The following ARID1B variants were observed in gnomAD, a reference collection of about 807,000 sequenced individuals.
The protein encoded by ARID1B is AT-rich interaction domain 1B.
Under a neutral mutation model 212.3 loss-of-function variants are expected in ARID1B, and 30 were observed. That is an observed-to-expected ratio of 0.14 (90% CI 0.11 to 0.19). The LOEUF (loss-of-function observed/expected upper bound fraction) is 0.19. Among genes scored for constraint, ARID1B ranks in the 10% least tolerant of loss-of-function variants. The pLI is 1.00. For missense variants in ARID1B, 2,891 were observed against 3,204.0 expected (o/e 0.90, Z 2.36); for synonymous variants, 1,402 against 1,301.7 (o/e 1.08, Z -1.66).
intron 4 of ARID1B, among the ~76,000 whole-genome samples, chr6:157,078,127 A>G (rs1213157793): frequency 1.3e-5 from 2 of 152,198 alleles, no homozygotes; most frequent in African/African-American, 4.8e-5. Flanking sequence ...ATAAAATCAG[A>G]TAAAAAGCAT....
chr6:157,104,236 G>A (rs569211415), intron 5 of ARID1B, among the ~76,000 whole-genome samples: 33 of 152,316 alleles, frequency 2.2e-4, no homozygotes, highest in Admixed American at 7.8e-4. Context: ...AACACTCAAG[G>A]AAGTAGCAAT....
rs1794009671 is a variant in ARID1B, at chr6:157,200,380, C to T, written c.4480-325C>T. The stretch of plus-strand genomic sequence containing the variant: ...CTCCTGCTGTGGTCCTAGTGCAGCT[C>T]CCAGCCCGGGAGCCGTCTGCCTGTG... On this transcript the variant is annotated intron_variant, in intron 17 of 19. Transcript: ENST00000636930. This position sits in a 1 kb window ranked among gnomAD's most constrained non-coding sequence, Gnocchi z 4.3. Among the ~76,000 whole-genome samples the T allele has an allele frequency of 6.6e-6, 1 of 152,048 alleles. No individual in the cohort carries two copies. The highest frequency in any genetic ancestry group is 1.5e-5 in the Non-Finnish European group (1 of 67,990).
chr6:156,804,867 CAAAAA>C (rs61315445), intron 1 of ARID1B, among the ~76,000 whole-genome samples: 4 of 85,112 alleles, frequency 4.7e-5, no homozygotes, highest in Non-Finnish European at 6.7e-5. Context: ...ATCTGATTGG[CAAAAA>C]AAAAAAAAAA....
intron 2 of ARID1B, among the ~76,000 whole-genome samples, chr6:156,862,365 A>G (rs1245479522): frequency 6.6e-6 from 1 of 152,188 alleles, no homozygotes; most frequent in Non-Finnish European, 1.5e-5. Context: ...CCTACAGTGG[A>G]AGCCACAGGA....
At chr6:156,914,123 T>C (rs1202718839) in intron 3 of ARID1B, among the ~76,000 whole-genome samples, 1 of 146,254 alleles carries the variant, frequency 6.8e-6, no homozygotes, top group South Asian at 2.2e-4. Flanking sequence ...GGTGCCCCCT[T>C]TCCACTCTCC....
chr6:156,806,915 C>A (rs1781201696), intron 1 of ARID1B, among the ~76,000 whole-genome samples: 1 of 152,212 alleles, frequency 6.6e-6, no homozygotes. Context: ...GGCTGCGTGC[C>A]AGAAAAGCTA....
intron 2 of ARID1B, among the ~76,000 whole-genome samples, chr6:156,891,959 C>A (rs1367948699): frequency 6.6e-6 from 1 of 151,094 alleles, no homozygotes; most frequent in Non-Finnish European, 1.5e-5. Flanking sequence ...GCAGTCTCTG[C>A]CTCTCCGGTT....
intron 4 of ARID1B, chr6:157,072,400 T>G (rs2128433361): frequency 6.6e-6 from 1 of 152,346 alleles, no homozygotes; most frequent in East Asian, 1.9e-4. Context: ...TGTTAATATT[T>G]TATTCAGCAC....
intron 4 of ARID1B, among the ~76,000 whole-genome samples, chr6:157,074,503 G>A (rs1784191530): frequency 6.6e-6 from 1 of 152,154 alleles, no homozygotes; most frequent in Non-Finnish European, 1.5e-5. Context: ...AGGATTACAG[G>A]CATGAGACAC....
At chr6:157,041,594 T>C (rs1260755578) in intron 4 of ARID1B, among the ~76,000 whole-genome samples, 1 of 152,208 alleles carries the variant, frequency 6.6e-6, no homozygotes, top group Non-Finnish European at 1.5e-5. Context: ...AGCACGTTTT[T>C]ATTTAATCCA....
In ARID1B at chr6:157,174,919, C is replaced by T. The variant is rs1284131751; in HGVS notation, c.3418C>T (p.Pro1140Ser). The change falls in exon 11 of 20, where the codon CCC becomes TCC. Residue 1140 changes from proline to serine, a missense_variant. Physicochemically the swap from Pro to Ser is moderately conservative, Grantham distance 74. This residue lies in a region of ARID1B where 666 missense variants were observed against 873.5 expected (regional missense o/e 0.76). Coordinates refer to ENST00000636930, the MANE Select transcript of ARID1B (RefSeq NM_001374828.1). ...GNLPVPSPMS[P>S]SSASISSFHG... ...CCTGCCAGTCCCTTCCCCAATGTCC[C>T]CCAGCTCTGCTAGCATCTCCTCATT... is the stretch of plus-strand genomic sequence containing the variant. The T allele has an allele frequency of 2.6e-6, 4 of 1,547,964 alleles. No individual in the cohort carries two copies. The highest frequency in any genetic ancestry group is 2.6e-6 in the Non-Finnish European group (3 of 1,146,280).
At position 156,940,341 on chromosome 6, in the gene ARID1B, G is replaced by C. The variant is rs545215765; in HGVS notation, c.2247+4765G>C. ...ATCTAAAGAGGTTGGCATGAAAACG[G>C]TTTGATCTTTCTGAGTTAACTAAAA... On this transcript the variant is annotated intron_variant, in intron 4 of 19. Transcript: ENST00000636930. 29 of 152,272 alleles carry C rather than the reference G, an allele frequency of 1.9e-4. No homozygotes were observed. The South Asian group carries it at 6.0e-3, about 32-fold the overall frequency. 9.4% of individuals were successfully genotyped at this position (152,272 alleles called of 1,614,324 possible).
At chr6:157,118,467 T>A (rs1338995503) in intron 6 of ARID1B, among the ~76,000 whole-genome samples, 3 of 152,244 alleles carry the variant, frequency 2.0e-5, no homozygotes, top group Admixed American at 2.0e-4. Context: ...TCAGCAATAA[T>A]CTACCCTCAC....
intron 2 of ARID1B, among the ~76,000 whole-genome samples, chr6:156,891,735 T>C (rs559497737): frequency 1.3e-5 from 2 of 151,598 alleles, no homozygotes; most frequent in African/African-American, 2.4e-5. Context: ...GCTCTTTTTT[T>C]TCCCCCCCTC....
At chr6:156,890,171 A>G (rs1341508165) in intron 2 of ARID1B, among the ~76,000 whole-genome samples, 3 of 152,204 alleles carry the variant, frequency 2.0e-5, no homozygotes, top group Non-Finnish European at 2.9e-5. Context: ...CCACAGCTAT[A>G]TAGAATATTC....
chr6:156,982,891 G>A (rs2128382034), intron 4 of ARID1B, among the ~76,000 whole-genome samples: 1 of 152,180 alleles, frequency 6.6e-6, no homozygotes, highest in Admixed American at 6.5e-5. Context: ...TAGGCAGGAG[G>A]CTTCCTCAAA....
chr6:156,878,197 A>G (rs1268403815), intron 2 of ARID1B, among the ~76,000 whole-genome samples: 1 of 152,048 alleles, frequency 6.6e-6, no homozygotes, highest in South Asian at 2.1e-4. Flanking sequence ...TTCTCCACTT[A>G]TCTGGCTACC....
Position 157,200,830 on chromosome 6 carries a change from G to A in ARID1B, c.4605G>A (p.Ser1535=), listed in dbSNP as rs745968347. Residue 1535 remains serine (S), a synonymous_variant, in exon 18 of 20, where the codon TCG becomes TCA. Coordinates refer to ENST00000636930, the MANE Select transcript of ARID1B (RefSeq NM_001374828.1). The surrounding 1 kb of genome is among the most constrained non-coding windows in gnomAD (Gnocchi z 4.3). ...ACAACCAGTATGGAGGCTCCTACTC[G>A]GGCCCGGACCGCAGGCCCATCCAGG... ...EMYNQYGGSY[S]GPDRRPIQGQ... is the part of the protein sequence containing the mutation. The A allele has an allele frequency of 1.1e-5, 18 of 1,613,942 alleles. No individual in the cohort carries two copies. Among genetic ancestry groups the A allele is most frequent in the Middle Eastern group, 1.6e-4 (1 of 6,080 alleles).
At chr6:157,128,387 T>TA (rs1263853103) in intron 6 of ARID1B, among the ~76,000 whole-genome samples, 1 of 151,992 alleles carries the variant, frequency 6.6e-6, no homozygotes, top group African/African-American at 2.4e-5. Flanking sequence ...ACAGTAGGGT[T>TA]AGCTTTCAAA....
Sources: allele counts gnomAD v4.1 joint callset (sites outside exome capture counted in the v4.1 genomes callset), GRCh38; gene constraint gnomAD v4.1.1; regional missense constraint gnomAD v4.1.1; non-coding constraint Gnocchi (gnomAD v3.1); transcripts MANE v1.5; gene names NCBI Gene and HGNC (gene_info 2026-07-23, HGNC 2026-07-21).